Variants in NRG3 observed in about 807,000 individuals in gnomAD.
NRG3 encodes the protein pro-neuregulin-3, membrane-bound isoform.
Under a neutral mutation model 66.9 loss-of-function variants are expected in NRG3, and 31 were observed. The observed-to-expected ratio is 0.46, with a 90% CI of 0.35 to 0.63. The LOEUF is 0.63. Among genes scored for constraint, NRG3 ranks in the 20% least tolerant of loss-of-function variants. The pLI, the probability that NRG3 is intolerant of heterozygous loss-of-function variation, is 0.00. For missense variants in NRG3, 910 were observed against 878.9 expected (o/e 1.04, Z -0.45); for synonymous variants, 393 against 359.4 (o/e 1.09, Z -1.06).
intron 1 of NRG3, among the ~76,000 whole-genome samples, chr10:82,223,056 T>C (rs2076014142): frequency 6.6e-6 from 1 of 152,210 alleles, no homozygotes; most frequent in Non-Finnish European, 1.5e-5. Flanking sequence ...TTTGAGAAAC[T>C]TAAGTATTTC....
chr10:81,933,321 C>T (rs1847567609), intron 1 of NRG3, among the ~76,000 whole-genome samples: 1 of 151,902 alleles, frequency 6.6e-6, no homozygotes, highest in African/African-American at 2.4e-5. Context: ...AGCAGCTCTG[C>T]AAGATAGATA....
intron 3 of NRG3, among the ~76,000 whole-genome samples, chr10:82,812,123 T>C (rs1360639521): frequency 2.0e-5 from 3 of 152,182 alleles, no homozygotes; most frequent in Non-Finnish European, 4.4e-5. Context: ...TGTTAATATG[T>C]ATATAATTAT....
intron 1 of NRG3, among the ~76,000 whole-genome samples, chr10:82,048,706 G>A (rs868342080): frequency 2.4e-4 from 37 of 151,754 alleles, no homozygotes; most frequent in South Asian, 1.7e-3. Flanking sequence ...AAGCAAGAGC[G>A]AACACATTCA....
At chr10:82,788,804 C>T (rs1415961463) in intron 3 of NRG3, among the ~76,000 whole-genome samples, 1 of 151,862 alleles carries the variant, frequency 6.6e-6, no homozygotes, top group Non-Finnish European at 1.5e-5. Context: ...AAATCATACC[C>T]TATGTGGTCT....
At chr10:81,905,889 A>T (rs1425607688) in intron 1 of NRG3, among the ~76,000 whole-genome samples, 1 of 152,172 alleles carries the variant, frequency 6.6e-6, no homozygotes, top group East Asian at 1.9e-4. Flanking sequence ...GGCCATCTTT[A>T]TTAGAGGAAG....
At chr10:82,474,500 A>AT (rs1243267290) in intron 2 of NRG3, among the ~76,000 whole-genome samples, 14 of 152,216 alleles carry the variant, frequency 9.2e-5, no homozygotes, top group African/African-American at 2.4e-5. Flanking sequence ...GTTCAACAGC[A>AT]GATTTGAAGA....
intron 2 of NRG3, among the ~76,000 whole-genome samples, chr10:82,394,702 C>T (rs550794441): frequency 1.3e-5 from 2 of 152,282 alleles, no homozygotes; most frequent in South Asian, 4.2e-4. Flanking sequence ...AGAATGACAG[C>T]ATTCAAACCA....
intron 1 of NRG3, among the ~76,000 whole-genome samples, chr10:82,184,309 G>A (rs978983504): frequency 8.5e-5 from 13 of 152,100 alleles, no homozygotes; most frequent in Admixed American, 1.3e-4. Context: ...AGAAAATAAC[G>A]TGGAAGTTGT....
At chr10:82,154,624 T>C (rs2132845740) in intron 1 of NRG3, among the ~76,000 whole-genome samples, 1 of 151,976 alleles carries the variant, frequency 6.6e-6, no homozygotes, top group South Asian at 2.1e-4. Context: ...GGAATTTTGA[T>C]AGAGATTGCA....
chr10:82,415,040 AACT>A (rs934609659), intron 2 of NRG3, among the ~76,000 whole-genome samples: 5 of 152,202 alleles, frequency 3.3e-5, no homozygotes, highest in African/African-American at 1.2e-4. Flanking sequence ...GCAACATCAA[AACT>A]ACTATTTCAC....
At chr10:81,994,122 T>A (rs950297307) in intron 1 of NRG3, among the ~76,000 whole-genome samples, 5 of 152,210 alleles carry the variant, frequency 3.3e-5, no homozygotes, top group African/African-American at 7.2e-5. Flanking sequence ...TAAAGTGTTA[T>A]CAGTTTCATT....
At chr10:82,700,130 G>A (rs571540693) in intron 2 of NRG3, among the ~76,000 whole-genome samples, 4 of 152,122 alleles carry the variant, frequency 2.6e-5, no homozygotes, top group South Asian at 4.1e-4. Context: ...GCGCTTGACA[G>A]ACATTGTGAG....
intron 1 of NRG3, among the ~76,000 whole-genome samples, chr10:82,188,500 A>C (rs192671967): frequency 6.6e-6 from 1 of 152,180 alleles, no homozygotes; most frequent in Non-Finnish European, 1.5e-5. Context: ...TACAGTCAAC[A>C]AAGTGGAGAG....
At chr10:81,982,385 T>G (rs2060361488) in intron 1 of NRG3, among the ~76,000 whole-genome samples, 1 of 152,212 alleles carries the variant, frequency 6.6e-6, no homozygotes, top group African/African-American at 2.4e-5. Context: ...CAATCTAAGC[T>G]TCCTCTAATC....
chr10:82,700,176 G>T (rs955421586), intron 2 of NRG3, among the ~76,000 whole-genome samples: 1 of 152,058 alleles, frequency 6.6e-6, no homozygotes, highest in Non-Finnish European at 1.5e-5. Context: ...AAGTTAGATC[G>T]CACACTAAAT....
At chr10:82,024,857 CT>C (rs1391901050) in intron 1 of NRG3, among the ~76,000 whole-genome samples, 4 of 152,088 alleles carry the variant, frequency 2.6e-5, no homozygotes, top group African/African-American at 9.7e-5. Flanking sequence ...TTCTCAAAGC[CT>C]TTTAGACAAA....
chr10:82,758,285 T>G (rs1328956053), intron 3 of NRG3, among the ~76,000 whole-genome samples: 1 of 152,124 alleles, frequency 6.6e-6, no homozygotes, highest in Non-Finnish European at 1.5e-5. Flanking sequence ...GCTGAACATC[T>G]GGCTAAAAAG....
chr10:82,562,841 C>G (rs2045142389), intron 2 of NRG3, among the ~76,000 whole-genome samples: 1 of 151,316 alleles, frequency 6.6e-6, no homozygotes. Flanking sequence ...GGAGGGGACA[C>G]AGAGTGGGTG....
At chr10:82,806,671 G>A (rs755397279) in intron 3 of NRG3, among the ~76,000 whole-genome samples, 3 of 152,110 alleles carry the variant, frequency 2.0e-5, no homozygotes, top group South Asian at 2.1e-4. Flanking sequence ...ATATAAATCC[G>A]GAGTGGCTAA....
Sources: allele counts gnomAD v4.1 joint callset (sites outside exome capture counted in the v4.1 genomes callset), GRCh38; gene constraint gnomAD v4.1.1; transcripts MANE v1.5; gene names NCBI Gene and HGNC (gene_info 2026-07-23, HGNC 2026-07-21).